The following WNT9B variants were observed in gnomAD, a reference collection of about 807,000 sequenced individuals.
WNT9B encodes the protein protein Wnt-9b.
In WNT9B, 12 loss-of-function variants were observed where a neutral mutation model predicts 30.2. The observed-to-expected ratio is 0.40, with a 90% CI of 0.26 to 0.64. The LOEUF (loss-of-function observed/expected upper bound fraction) is 0.64, where lower values mean the gene tolerates loss of function less well. Ranked by LOEUF, WNT9B falls within the 30% of genes least tolerant of loss-of-function variation. The probability of loss-of-function intolerance (pLI) is 0.42; values close to 1 mark genes in which losing one functional copy is unlikely to be tolerated. For missense variants in WNT9B, 442 were observed against 485.2 expected, an observed-to-expected ratio of 0.91 and a Z score of 0.84; for synonymous variants, 218 against 216.9, an observed-to-expected ratio of 1.01 and a Z score of -0.05.
At chr17:46,836,620 C>T (rs1205147672) in intron 1 of WNT9B, among the ~76,000 whole-genome samples, 1 of 152,172 alleles carries the variant, frequency 6.6e-6, no homozygotes, top group Non-Finnish European at 1.5e-5. Flanking sequence ...CAGCACAGTG[C>T]CTCTCACTTG....
chr17:46,884,699 C>G (rs1198696886), downstream of WNT9B, among the ~76,000 whole-genome samples: 2 of 152,100 alleles, frequency 1.3e-5, no homozygotes, highest in South Asian at 2.1e-4. Flanking sequence ...TGGTGTCATC[C>G]CTCCTTTGCA....
intron 3 of WNT9B, 94 bp downstream of exon 3, chr17:46,875,460 A>C: frequency 7.0e-7 from 1 of 1,426,874 alleles, no homozygotes; most frequent in Non-Finnish European, 9.3e-7. Flanking sequence ...ACTCCCCAAA[A>C]TACATGAAGA....
chr17:46,847,633 G>T (rs1309066805), upstream of WNT9B, among the ~76,000 whole-genome samples: 1 of 152,104 alleles, frequency 6.6e-6, no homozygotes, highest in Non-Finnish European at 1.5e-5. Flanking sequence ...AGCCCTCCTG[G>T]GCAGCTGTGT....
chr17:46,848,547 C>T (rs1294482924), upstream of WNT9B, among the ~76,000 whole-genome samples: 5 of 152,194 alleles, frequency 3.3e-5, no homozygotes, highest in Non-Finnish European at 7.4e-5. Context: ...CTCAGGGATC[C>T]TATAATATCA....
At chr17:46,858,292 C>T (rs375455496) in intron 1 of WNT9B, among the ~76,000 whole-genome samples, 3 of 151,982 alleles carry the variant, frequency 2.0e-5, no homozygotes, top group Non-Finnish European at 4.4e-5. Context: ...TATTCCTGCC[C>T]GTGACTTGCC....
rs200969361 is a variant in WNT9B at position 46,872,601 on chromosome 17, G to A, written c.162G>A (p.Gln54=). The A allele has an allele frequency of 1.5e-4, 247 of 1,612,496 alleles. No individual in the cohort carries two copies. Among genetic ancestry groups the A allele is most frequent in the South Asian group, 1.3e-3 (119 of 90,778 alleles). The change falls in exon 2 of 4, where the codon CAG becomes CAA. Residue 54 remains glutamine, a synonymous_variant. Transcript: ENST00000290015. ...CACAGGGCGGGGCCCACCTGAAGCA[G>A]TGTGACCTGCTGAAGCTGTCCCGGC... ...APAQGGAHLK[Q]CDLLKLSRRQ...
intron 1 of WNT9B, among the ~76,000 whole-genome samples, chr17:46,835,298 G>A (rs1192231479): frequency 7.9e-5 from 12 of 151,900 alleles, no homozygotes; most frequent in African/African-American, 1.9e-4. Context: ...TGCAAGCTCC[G>A]CCTCCCGGGT....
At chr17:46,840,338 G>A (rs1478688986) in intron 1 of WNT9B, among the ~76,000 whole-genome samples, 1 of 152,032 alleles carries the variant, frequency 6.6e-6, no homozygotes, top group African/African-American at 2.4e-5. Context: ...CACCCGCCTC[G>A]GCCTCCCAAA....
chr17:46,847,673 A>G (rs1421506132), upstream of WNT9B, among the ~76,000 whole-genome samples: 1 of 152,078 alleles, frequency 6.6e-6, no homozygotes, highest in Non-Finnish European at 1.5e-5. Context: ...CTTCCCTCGG[A>G]GCTGCTGGGG....
At chr17:46,854,187 GC>G (rs1208151995) in intron 1 of WNT9B, among the ~76,000 whole-genome samples, 1 of 152,168 alleles carries the variant, frequency 6.6e-6, no homozygotes, top group Non-Finnish European at 1.5e-5. Flanking sequence ...ACAGGATTCA[GC>G]CTGAGCTCTC....
chr17:46,872,790 G>T lies in WNT9B; in HGVS notation c.334+17G>T. The T allele has an allele frequency of 3.3e-6, 5 of 1,533,290 alleles. No individual in the cohort carries two copies. The highest frequency in any genetic ancestry group is 2.3e-5 in the South Asian group (2 of 87,130). The allele number at this position is 1,533,290 out of a possible 1,614,324, so 95.0% of individuals were successfully genotyped here. ...TCAAGAGAGGTGGGGAGGAGGGCTA[G>T]GGGACGGGGAGGGCTGGGGGAAGAA... On this transcript the variant is annotated intron_variant, in intron 2 of 3. Transcript: ENST00000290015.
intron 1 of WNT9B, among the ~76,000 whole-genome samples, chr17:46,839,972 CTTT>C (rs2084686951): frequency 8.0e-6 from 1 of 124,842 alleles, no homozygotes; most frequent in African/African-American, 3.0e-5. Context: ...TTCTTTCTTT[CTTT>C]CTCTTCTTTC....
intron 1 of WNT9B, among the ~76,000 whole-genome samples, chr17:46,852,468 TG>T (rs947896472): frequency 1.6e-5 from 2 of 125,632 alleles, no homozygotes; most frequent in African/African-American, 6.1e-5. Context: ...AGGATCACAG[TG>T]GGGGGTGACA....
rs1015829620 is a variant in WNT9B, at chr17:46,851,610, A to G, written c.-29A>G. ...CTGCGAGCTTGAGCGGCGCGAGGAG[A>G]TGCTAGAGGGCGCAGCGCCGCCAGC... On this transcript the variant is annotated 5_prime_UTR_variant, in exon 1 of 4. An upstream start codon of the reference 5' UTR is lost. Transcript: ENST00000290015. The surrounding 1 kb of genome is among the most constrained non-coding windows in gnomAD (Gnocchi z 4.3). The G allele has an allele frequency of 4.9e-6, 6 of 1,225,342 alleles. No homozygotes were observed. Among genetic ancestry groups the G allele is most frequent in the Middle Eastern group, 3.2e-4 (1 of 3,174 alleles). The allele number at this position is 1,225,342 out of a possible 1,614,324, so 75.9% of individuals were successfully genotyped here.
intron 1 of WNT9B, among the ~76,000 whole-genome samples, chr17:46,867,296 G>A (rs1201997938): frequency 2.0e-5 from 3 of 152,246 alleles, no homozygotes; most frequent in African/African-American, 7.2e-5. Context: ...TGCTCTCAGA[G>A]CATAGAGAGG....
intron 1 of WNT9B, among the ~76,000 whole-genome samples, chr17:46,861,355 T>G (rs545571349): frequency 6.6e-6 from 1 of 152,356 alleles, no homozygotes; most frequent in South Asian, 2.1e-4. Context: ...CTCCCTGGTC[T>G]GCAGTGAATA....
chr17:46,876,294 G>C lies in WNT9B; in HGVS notation c.650G>C (p.Gly217Ala), dbSNP rs2146611469. The change falls in exon 4 of 4, where the codon GGC becomes GCC. Residue 217 changes from glycine to alanine, a missense_variant. Gly to Ala is a moderately conservative substitution (Grantham distance 60). Transcript: ENST00000290015. The part of the protein sequence containing the change: ...RTTCKCHGVS[G>A]SCAVRTCWKQ... The stretch of plus-strand genomic sequence containing the variant: ...ACGTGTAAGTGCCATGGCGTATCAG[G>C]CTCCTGTGCCGTGCGCACCTGCTGG... 1 of 1,614,122 alleles carries C rather than the reference G, an allele frequency of 6.2e-7. No homozygotes were observed. Among genetic ancestry groups the C allele is most frequent in the Non-Finnish European group, 8.5e-7 (1 of 1,179,992 alleles).
chr17:46,880,013 T>G lies in WNT9B; in HGVS notation c.*3295T>G, dbSNP rs1184203161. Reference sequence around the variant, plus strand: ...ATTTTGATTGCTCTCATTTGTGTTTTGCTTGTAAAAATGAATTGTTTTCCA... The same window carrying G: ...ATTTTGATTGCTCTCATTTGTGTTTGGCTTGTAAAAATGAATTGTTTTCCA... On this transcript the variant is annotated 3_prime_UTR_variant, in exon 4 of 4. Transcript: ENST00000290015. 6.6e-6 allele frequency among the ~76,000 whole-genome samples: 1 copy of G among 152,264 alleles called. No homozygotes were observed. Among genetic ancestry groups the G allele is most frequent in the Non-Finnish European group, 1.5e-5 (1 of 68,052 alleles).
chr17:46,870,931 G>A (rs1007617305), intron 1 of WNT9B, among the ~76,000 whole-genome samples: 5 of 109,620 alleles, frequency 4.6e-5, no homozygotes, highest in African/African-American at 7.1e-5. Flanking sequence ...TTTTTTTTGA[G>A]ATAGGGTCTT....
Sources: gnomAD v4.1 joint callset for allele counts (sites outside exome capture counted in the v4.1 genomes callset) on GRCh38, gnomAD v4.1.1 for gene constraint, Gnocchi (gnomAD v3.1) non-coding constraint, MANE v1.5 for transcripts, NCBI Gene and HGNC (gene_info 2026-07-23, HGNC 2026-07-21) for gene names.